The following RESF1 variants were observed in gnomAD, a reference collection of about 807,000 sequenced individuals.
RESF1 encodes gonad expressed transcript.
In RESF1, 65 loss-of-function variants were observed where a neutral mutation model predicts 134.7. The ratio of observed to expected loss-of-function variants is 0.48; its 90% CI spans 0.40 to 0.59. The LOEUF is 0.59. Ranked by LOEUF, RESF1 falls within the 20% of genes least tolerant of loss-of-function variation. The pLI is 0.00. For missense variants in RESF1, 2,274 were observed against 2,002.7 expected, an observed-to-expected ratio of 1.14 and a Z score of -2.59; for synonymous variants, 762 against 702.2, an observed-to-expected ratio of 1.09 and a Z score of -1.35.
intron 2 of RESF1, chr12:31,962,368 A>G (rs754003528): frequency 5.9e-5 from 9 of 152,230 alleles, no homozygotes. Flanking sequence ...ACAGTTGACT[A>G]ACCCTGGCTA....
chr12:31,966,585 C>T (rs1004737165), intron 2 of RESF1, among the ~76,000 whole-genome samples: 2 of 152,128 alleles, frequency 1.3e-5, no homozygotes, highest in East Asian at 1.9e-4. Context: ...CCTGTGTTAA[C>T]GAGTCAGAAA....
In RESF1 at chr12:31,975,433, T is replaced by C. The variant is rs142815876; in HGVS notation, c.-79+5077T>C. The stretch of plus-strand genomic sequence containing the variant: ...ATCACTAACATTAGAGTTTACTCTG[T>C]ATCCAATGGGTCTTACGGGTTTTGA... On this transcript the variant is annotated intron_variant, in intron 3 of 5. Transcript: ENST00000312561. 3.8e-3 allele frequency among the ~76,000 whole-genome samples: 575 copies of C among 152,354 alleles called. 6 individuals carry two copies. The highest frequency in any genetic ancestry group is 0.01 in the Middle Eastern group (3 of 294).
chr12:31,989,252 C>T (rs1453806136), intron 5 of RESF1, among the ~76,000 whole-genome samples: 3 of 150,648 alleles, frequency 2.0e-5, no homozygotes, highest in African/African-American at 4.9e-5. Flanking sequence ...AAAAATAAGC[C>T]GAGTGTGGTG....
intron 1 of RESF1, among the ~76,000 whole-genome samples, 173 bp from the exon 2 acceptor site, chr12:31,960,604 C>T (rs570420922): frequency 3.9e-5 from 6 of 152,290 alleles, no homozygotes; most frequent in African/African-American, 1.4e-4. Flanking sequence ...ATGGTATTTT[C>T]AGGCCAGACC....
chr12:31,985,543 T>C lies in RESF1; in HGVS notation c.4588T>C (p.Tyr1530His), dbSNP rs144289396. The part of the protein sequence containing the change: ...KIHHSQESKT[Y>H]NILRNVKEKV... ...CCACCATTCTCAGGAGTCTAAAACA[T>C]ACAACATTCTAAGGAATGTTAAAGA... is the stretch of plus-strand genomic sequence containing the variant. Residue 1530 changes from tyrosine to histidine, a missense_variant, in exon 4 of 6, where the codon TAC becomes CAC. By Grantham distance (83) the Tyr-to-His change is moderately conservative (BLOSUM62 2). Transcript: ENST00000312561. The C allele has an allele frequency of 6.3e-5, 100 of 1,597,886 alleles. No individual in the cohort carries two copies. The highest frequency in any genetic ancestry group is 8.2e-5 in the Non-Finnish European group (96 of 1,175,474).
chr12:31,979,560 A>C (rs1205340290), intron 3 of RESF1, among the ~76,000 whole-genome samples: 3 of 151,554 alleles, frequency 2.0e-5, no homozygotes, highest in African/African-American at 7.3e-5. Context: ...TTTTAAAAAA[A>C]ACAGCCTTAC....
intron 2 of RESF1, among the ~76,000 whole-genome samples, chr12:31,966,841 A>T (rs1939408157): frequency 1.5e-5 from 2 of 132,612 alleles, no homozygotes; most frequent in South Asian, 5.6e-4. Context: ...TTCTGAATAG[A>T]GTTTGTAGCT....
intron 2 of RESF1, among the ~76,000 whole-genome samples, chr12:31,964,192 GGTAAA>G (rs1425334384): frequency 7.0e-6 from 1 of 142,604 alleles, no homozygotes; most frequent in African/African-American, 2.6e-5. Context: ...TACGTGTATA[GGTAAA>G]GTTGTGTCAT....
chr12:31,962,689 A>T (rs941298537), intron 2 of RESF1: 3 of 152,264 alleles, frequency 2.0e-5, no homozygotes, highest in Non-Finnish European at 4.4e-5. Flanking sequence ...TAAAATGACA[A>T]AGTGTATTAA....
At chr12:31,961,440 A>G (rs948933077) in intron 2 of RESF1, among the ~76,000 whole-genome samples, 1 of 152,222 alleles carries the variant, frequency 6.6e-6, no homozygotes, top group African/African-American at 2.4e-5. Context: ...AATGGGGACA[A>G]GCACTAATGT....
chr12:31,960,983 A>G (rs1939252200), intron 2 of RESF1, 112 bp downstream of exon 2: 3 of 152,242 alleles, frequency 2.0e-5, no homozygotes, highest in South Asian at 2.1e-4. Flanking sequence ...CAGTGAATCA[A>G]CATCGGTTTT....
intron 3 of RESF1, among the ~76,000 whole-genome samples, chr12:31,979,135 T>G (rs535277497): frequency 7.9e-4 from 121 of 152,238 alleles, no homozygotes; most frequent in Non-Finnish European, 1.4e-3. Context: ...TTAGCCAGGA[T>G]GGTCTCGATC....
At chr12:31,976,556 C>G (rs113891585) in intron 3 of RESF1, among the ~76,000 whole-genome samples, 22,145 of 151,864 alleles carry the variant, frequency 0.15, 2,112 homozygotes, top group Middle Eastern at 0.26. Flanking sequence ...GGTGGTGGGA[C>G]CCTGTAATCC....
At chr12:31,972,215 A>ATT (rs1939524928) in intron 3 of RESF1, among the ~76,000 whole-genome samples, 2 of 152,150 alleles carry the variant, frequency 1.3e-5, no homozygotes, top group Non-Finnish European at 2.9e-5. Flanking sequence ...CTCTAACACG[A>ATT]CAAACCAAAG....
At chr12:31,978,595 G>C (rs760367789) in intron 3 of RESF1, among the ~76,000 whole-genome samples, 31 of 151,814 alleles carry the variant, frequency 2.0e-4, no homozygotes, top group Admixed American at 5.9e-4. Context: ...CGCCAGGCTG[G>C]AGTGTAGTGG....
At chr12:31,960,193 C>T (rs190895757) in intron 1 of RESF1, among the ~76,000 whole-genome samples, 40 of 152,258 alleles carry the variant, frequency 2.6e-4, no homozygotes, top group African/African-American at 9.4e-4. Flanking sequence ...CCTAAGCAAA[C>T]GTCCTTAGGG....
chr12:31,963,909 C>T (rs1385082731), intron 2 of RESF1, among the ~76,000 whole-genome samples: 1 of 152,150 alleles, frequency 6.6e-6, no homozygotes, highest in Non-Finnish European at 1.5e-5. Context: ...TATGGATATG[C>T]CACTTTTGCT....
intron 3 of RESF1, among the ~76,000 whole-genome samples, chr12:31,972,013 AAG>A (rs1939519144): frequency 6.6e-6 from 1 of 152,148 alleles, no homozygotes; most frequent in South Asian, 2.1e-4. Context: ...TAAAACCGGA[AAG>A]GATAGAGTTT....
chr12:31,967,100 C>G (rs959779189), intron 2 of RESF1, among the ~76,000 whole-genome samples: 1 of 152,172 alleles, frequency 6.6e-6, no homozygotes. Flanking sequence ...ACTTTACCAC[C>G]TTGGGGGGTA....
Sources: allele counts gnomAD v4.1 joint callset (sites outside exome capture counted in the v4.1 genomes callset), GRCh38; gene constraint gnomAD v4.1.1; transcripts MANE v1.5; gene names NCBI Gene and HGNC (gene_info 2026-07-23, HGNC 2026-07-21).